Variants in THSD7B observed in about 807,000 individuals in gnomAD.
The protein encoded by THSD7B is thrombospondin type 1 domain containing 7B.
Under a neutral mutation model 213.6 loss-of-function variants are expected in THSD7B, and 138 were observed. That is an observed-to-expected ratio of 0.65 (90% CI 0.56 to 0.74). THSD7B has a LOEUF of 0.74. Among genes scored for constraint, THSD7B ranks in the 30% least tolerant of loss-of-function variants. THSD7B has a pLI of 0.00. For synonymous variants in THSD7B, 742 were observed against 687.0 expected, an observed-to-expected ratio of 1.08 and a Z score of -1.25; for missense variants, 1,931 against 1,991.5, an observed-to-expected ratio of 0.97 and a Z score of 0.58.
intron 12 of THSD7B, among the ~76,000 whole-genome samples, chr2:137,372,151 C>T (rs1447637211): frequency 6.6e-6 from 1 of 151,836 alleles, no homozygotes; most frequent in Non-Finnish European, 1.5e-5. Context: ...GAATGGACGT[C>T]CAAGAGAAGA....
intron 10 of THSD7B, among the ~76,000 whole-genome samples, chr2:137,252,853 A>AC (rs1219290075): frequency 1.3e-5 from 2 of 150,354 alleles, no homozygotes. Context: ...TCCACCAGTT[A>AC]CACTCTGGGT....
chr2:136,768,649 G>T (rs953708642), intron 1 of THSD7B, among the ~76,000 whole-genome samples: 4 of 152,146 alleles, frequency 2.6e-5, no homozygotes, highest in Admixed American at 1.3e-4. Flanking sequence ...CACTATTAAG[G>T]CTTCAGAGAT....
intron 15 of THSD7B, among the ~76,000 whole-genome samples, chr2:137,540,157 C>T (rs371567799): frequency 2.6e-5 from 4 of 151,626 alleles, no homozygotes; most frequent in South Asian, 2.1e-4. Flanking sequence ...AAAGCAGCTA[C>T]AGACAATAAA....
intron 2 of THSD7B, among the ~76,000 whole-genome samples, chr2:137,008,715 A>G (rs1359068904): frequency 1.3e-5 from 2 of 152,176 alleles, no homozygotes; most frequent in East Asian, 1.9e-4. Context: ...AATTTGTGGA[A>G]CATTTTTATT....
intron 2 of THSD7B, among the ~76,000 whole-genome samples, chr2:137,054,961 G>A (rs1407985087): frequency 4.6e-5 from 7 of 152,004 alleles, no homozygotes; most frequent in African/African-American, 1.5e-4. Context: ...GCCCTGGTGG[G>A]TGATATTCCC....
chr2:137,510,938 A>G (rs1006735996), intron 15 of THSD7B, among the ~76,000 whole-genome samples: 1 of 152,144 alleles, frequency 6.6e-6, no homozygotes, highest in African/African-American at 2.4e-5. Context: ...ACTAACTACT[A>G]TGCCACATAT....
chr2:137,462,630 C>T (rs1687906866), intron 15 of THSD7B, among the ~76,000 whole-genome samples: 1 of 152,034 alleles, frequency 6.6e-6, no homozygotes, highest in Non-Finnish European at 1.5e-5. Context: ...GCAAGGCAAC[C>T]TGGAAGTGTG....
chr2:137,446,920 G>C (rs1184229339), intron 14 of THSD7B, among the ~76,000 whole-genome samples: 1 of 152,008 alleles, frequency 6.6e-6, no homozygotes, highest in Admixed American at 6.6e-5. Context: ...GGTCAACCTT[G>C]TACATAGTCA....
At chr2:137,176,107 T>C (rs1680352753) in intron 7 of THSD7B, among the ~76,000 whole-genome samples, 1 of 152,196 alleles carries the variant, frequency 6.6e-6, no homozygotes, top group Admixed American at 6.5e-5. Context: ...TCTTGTATTT[T>C]AGGATGAAAG....
At chr2:136,903,956 GTGTGTGTGTGTGTGTGTTTGTT>G (rs753348073) in intron 2 of THSD7B, among the ~76,000 whole-genome samples, 6 of 97,630 alleles carry the variant, frequency 6.1e-5, no homozygotes, top group Admixed American at 2.0e-4. Context: ...GTGTGTGTGT[GTGTGTGTGTGTGTGTGTTTGTT>G]TGTTTCTGAG....
intron 1 of THSD7B, among the ~76,000 whole-genome samples, chr2:136,875,645 G>A (rs1683515391): frequency 6.6e-6 from 1 of 152,130 alleles, no homozygotes; most frequent in Non-Finnish European, 1.5e-5. Flanking sequence ...GAGCCCCGTA[G>A]TTTCTCCAAG....
At chr2:137,322,765 G>A (rs1444019322) in intron 12 of THSD7B, among the ~76,000 whole-genome samples, 2 of 152,276 alleles carry the variant, frequency 1.3e-5, no homozygotes, top group East Asian at 3.9e-4. Context: ...GAATCAATAT[G>A]TGCCGTAGAA....
Position 137,209,864 on chromosome 2 carries a change from G to A in THSD7B, c.1724-21180G>A, listed in dbSNP as rs1231474151. Among the ~76,000 whole-genome samples the A allele has an allele frequency of 7.3e-5, 11 of 151,106 alleles. No individual in the cohort carries two copies. In the Admixed American group the frequency reaches 7.3e-4, roughly 10 times the overall value. On this transcript the variant is annotated intron_variant, in intron 7 of 27. Coordinates refer to ENST00000409968, the MANE Select transcript of THSD7B (RefSeq NM_001316349.2). ...CAGTATCTCAGAAGATAACCATGTG[G>A]TGATGGGGCCTTCAAAGAATGATTA...
intron 10 of THSD7B, among the ~76,000 whole-genome samples, chr2:137,255,933 G>A (rs145453665): frequency 6.6e-6 from 1 of 152,166 alleles, no homozygotes; most frequent in East Asian, 1.9e-4. Context: ...AGTGGTGCCT[G>A]GCCCTTGGGT....
intron 10 of THSD7B, among the ~76,000 whole-genome samples, chr2:137,269,266 C>G (rs1642442534): frequency 6.6e-6 from 1 of 152,198 alleles, no homozygotes; most frequent in Non-Finnish European, 1.5e-5. Context: ...GAAACTCCAT[C>G]TGAATATCTG....
At chr2:137,178,538 C>T (rs560162057) in intron 7 of THSD7B, among the ~76,000 whole-genome samples, 1 of 152,262 alleles carries the variant, frequency 6.6e-6, no homozygotes, top group Admixed American at 6.5e-5. Context: ...TTTTTGTAGC[C>T]AAGTTCCTCG....
At chr2:136,851,268 G>T (rs961208061) in intron 1 of THSD7B, among the ~76,000 whole-genome samples, 3 of 151,796 alleles carry the variant, frequency 2.0e-5, no homozygotes, top group Non-Finnish European at 4.4e-5. Flanking sequence ...ATTCTCATCT[G>T]CTATAAGTAT....
chr2:137,621,742 T>C (rs1274005504), intron 20 of THSD7B, among the ~76,000 whole-genome samples: 1 of 152,180 alleles, frequency 6.6e-6, no homozygotes, highest in South Asian at 2.1e-4. Context: ...ACACTGTTAG[T>C]ACATCTTAGT....
intron 2 of THSD7B, among the ~76,000 whole-genome samples, chr2:136,949,886 C>T (rs1448325285): frequency 3.9e-5 from 6 of 152,212 alleles, no homozygotes; most frequent in Non-Finnish European, 8.8e-5. Flanking sequence ...CACGTGCACA[C>T]ATATGTTTAT....
Sources: gnomAD v4.1 joint callset for allele counts (sites outside exome capture counted in the v4.1 genomes callset) on GRCh38, gnomAD v4.1.1 for gene constraint, MANE v1.5 for transcripts, NCBI Gene and HGNC (gene_info 2026-07-23, HGNC 2026-07-21) for gene names.